Variants in TRPC6 observed in about 807,000 individuals in gnomAD.
TRPC6 encodes short transient receptor potential channel 6.
A neutral mutation model predicts 90.7 loss-of-function variants in TRPC6; 55 were observed. That is an observed-to-expected ratio of 0.61 (90% CI 0.49 to 0.76). The LOEUF (loss-of-function observed/expected upper bound fraction) is 0.76. Among genes scored for constraint, TRPC6 ranks in the 30% least tolerant of loss-of-function variants. TRPC6 has a pLI of 0.00. For synonymous variants in TRPC6, 393 were observed against 393.0 expected (o/e 1.00, Z 0.00); for missense variants, 989 against 1,122.7 (o/e 0.88, Z 1.70).
At chr11:101,458,771 A>G (rs548692087) in intron 10 of TRPC6, among the ~76,000 whole-genome samples, 1 of 152,324 alleles carries the variant, frequency 6.6e-6, no homozygotes, top group African/African-American at 2.4e-5. Context: ...TCCTACTGAC[A>G]TCTATGGTGC....
chr11:101,462,463 G>C (rs1213652869), intron 10 of TRPC6, among the ~76,000 whole-genome samples: 1 of 144,256 alleles, frequency 6.9e-6, no homozygotes, highest in Non-Finnish European at 1.6e-5. Flanking sequence ...TTTTCCATTT[G>C]TTTAAGTCGT....
intron 1 of TRPC6, among the ~76,000 whole-genome samples, chr11:101,507,551 C>CAT (rs1860303863): frequency 6.6e-6 from 1 of 152,032 alleles, no homozygotes; most frequent in South Asian, 2.1e-4. Flanking sequence ...ATAAAGCATG[C>CAT]ATAGGTGAAT....
chr11:101,492,084 C>G (rs1224486503), intron 2 of TRPC6, among the ~76,000 whole-genome samples: 1 of 151,886 alleles, frequency 6.6e-6, no homozygotes, highest in Non-Finnish European at 1.5e-5. Flanking sequence ...CATGATCCGC[C>G]CGCCTCGGCC....
At chr11:101,478,647 A>T (rs1859471838) in intron 5 of TRPC6, among the ~76,000 whole-genome samples, 1 of 152,020 alleles carries the variant, frequency 6.6e-6, no homozygotes, top group Non-Finnish European at 1.5e-5. Context: ...TGCCAAGGAG[A>T]GTTTGAAATC....
At chr11:101,517,152 C>T (rs1860541304) in intron 1 of TRPC6, among the ~76,000 whole-genome samples, 1 of 152,284 alleles carries the variant, frequency 6.6e-6, no homozygotes, top group Non-Finnish European at 1.5e-5. Context: ...TGTGCCTCTA[C>T]TTACAATAGT....
At chr11:101,490,467 A>T (rs1202877577) in intron 3 of TRPC6, among the ~76,000 whole-genome samples, 1 of 152,046 alleles carries the variant, frequency 6.6e-6, no homozygotes, top group African/African-American at 2.4e-5. Context: ...CCATCTATCT[A>T]TTTATTTTGA....
rs1226337516 is a variant in TRPC6 at position 101,546,051 on chromosome 11, T to C, written c.170+37283A>G. Among the ~76,000 whole-genome samples the C allele has an allele frequency of 1.9e-3, 16 of 8,312 alleles. 1 individual carries two copies. Among genetic ancestry groups the C allele is most frequent in the African/African-American group, 8.1e-3 (16 of 1,974 alleles). The allele number at this position is 8,312 out of a possible 152,430, so 5.5% of individuals were successfully genotyped here. On this transcript the variant is annotated intron_variant, in intron 1 of 12. Transcript: ENST00000344327. Reference sequence around the variant, plus strand: ...GGATCTAGTATCACATTTATAACTCTTTTTTTTTTTTTTTTTTTTTTTTTT... The same window carrying C: ...GGATCTAGTATCACATTTATAACTCCTTTTTTTTTTTTTTTTTTTTTTTTT...
intron 1 of TRPC6, among the ~76,000 whole-genome samples, chr11:101,558,075 CAATTCATAAGCAAAAAGAAT>C (rs1345585549): frequency 6.6e-6 from 1 of 151,700 alleles, no homozygotes; most frequent in Non-Finnish European, 1.5e-5. Flanking sequence ...ATAGCCAAGG[CAATTCATAAGCAAAAAGAAT>C]AAAACTGAAG....
chr11:101,532,861 G>A (rs1292844507), intron 1 of TRPC6, among the ~76,000 whole-genome samples: 2 of 152,080 alleles, frequency 1.3e-5, no homozygotes, highest in African/African-American at 2.4e-5. Context: ...AAGAACAAAG[G>A]TTCTTGAGAC....
At chr11:101,470,833 C>A (rs1421685137) in intron 9 of TRPC6, among the ~76,000 whole-genome samples, 4 of 124,888 alleles carry the variant, frequency 3.2e-5, no homozygotes, top group Admixed American at 2.2e-4. Flanking sequence ...CGAGTCATAA[C>A]AAGCTGCTGC....
chr11:101,536,407 A>G (rs11224822), intron 1 of TRPC6, among the ~76,000 whole-genome samples: 8 of 124,790 alleles, frequency 6.4e-5, no homozygotes, highest in African/African-American at 2.7e-4. Context: ...CCTCCCCCCC[A>G]CCAAAAAAAA....
chr11:101,520,546 G>C (rs1199125536), intron 1 of TRPC6, among the ~76,000 whole-genome samples: 1 of 152,214 alleles, frequency 6.6e-6, no homozygotes, highest in Admixed American at 6.5e-5. Context: ...CTCAGAAGAA[G>C]ACAGGAAGAT....
intron 1 of TRPC6, among the ~76,000 whole-genome samples, chr11:101,559,635 CTTTT>C (rs11286449): frequency 1.0e-4 from 15 of 148,266 alleles, no homozygotes; most frequent in Non-Finnish European, 1.5e-4. Flanking sequence ...AATGTCTTTT[CTTTT>C]TTTTTTTATT....
chr11:101,557,284 G>C (rs932142309), intron 1 of TRPC6, among the ~76,000 whole-genome samples: 6 of 152,202 alleles, frequency 3.9e-5, no homozygotes, highest in Non-Finnish European at 7.3e-5. Flanking sequence ...GAACCTGGGA[G>C]ACAGGGGTTG....
At position 101,505,201 on chromosome 11, in the gene TRPC6, C is replaced by T. The variant is rs961074672; in HGVS notation, c.171-403G>A. On this transcript the variant is annotated intron_variant, in intron 1 of 12. Transcript: ENST00000344327. ...TAAGAAGTAGAGACAATAGCAAATC[C>T]ACTCAAGTTAACAAATATTTATTGA... is the stretch of plus-strand genomic sequence containing the variant. 2.0e-5 allele frequency among the ~76,000 whole-genome samples: 3 copies of T among 152,088 alleles called. No homozygotes were observed. In the East Asian group the frequency reaches 5.8e-4, roughly 29 times the overall value.
intron 1 of TRPC6, among the ~76,000 whole-genome samples, chr11:101,571,720 T>C (rs1319551650): frequency 6.6e-6 from 1 of 152,022 alleles, no homozygotes; most frequent in Non-Finnish European, 1.5e-5. Flanking sequence ...GCACCACACA[T>C]CTACAACCAT....
intron 1 of TRPC6, among the ~76,000 whole-genome samples, chr11:101,529,495 A>G (rs1208185870): frequency 6.6e-6 from 1 of 152,200 alleles, no homozygotes; most frequent in East Asian, 1.9e-4. Flanking sequence ...GTACTTCAAA[A>G]TTGTTTGTTT....
intron 10 of TRPC6, among the ~76,000 whole-genome samples, chr11:101,456,731 C>T (rs1245687886): frequency 6.6e-6 from 1 of 152,142 alleles, no homozygotes; most frequent in African/African-American, 2.4e-5. Flanking sequence ...GTGGAGGGCA[C>T]AATCACCCCT....
chr11:101,506,994 C>A (rs1312729127), intron 1 of TRPC6, among the ~76,000 whole-genome samples: 4 of 136,002 alleles, frequency 2.9e-5, no homozygotes, highest in Admixed American at 2.5e-4. Context: ...TCACGTATCT[C>A]TCTCTCTCTC....
Sources: gnomAD v4.1 joint callset for allele counts (sites outside exome capture counted in the v4.1 genomes callset) on GRCh38, gnomAD v4.1.1 for gene constraint, MANE v1.5 for transcripts, NCBI Gene and HGNC (gene_info 2026-07-23, HGNC 2026-07-21) for gene names.